The following ERBIN variants were observed in gnomAD, a reference collection of about 807,000 sequenced individuals.
The protein encoded by ERBIN is densin-180-like protein.
Under a neutral mutation model 158.4 loss-of-function variants are expected in ERBIN, and 60 were observed. That is an observed-to-expected ratio of 0.38 (90% CI 0.31 to 0.47). The LOEUF is 0.47. Ranked by LOEUF, ERBIN falls within the 20% of genes least tolerant of loss-of-function variation. The pLI, the probability that ERBIN is intolerant of heterozygous loss-of-function variation, is 0.99. For missense variants in ERBIN, 1,610 were observed against 1,648.0 expected (o/e 0.98, Z 0.40); for synonymous variants, 594 against 557.2 (o/e 1.07, Z -0.93).
intron 7 of ERBIN, among the ~76,000 whole-genome samples, chr5:66,018,546 TTATATATTATATAA>T (rs1232485625): frequency 1.2e-4 from 1 of 8,570 alleles, no homozygotes; most frequent in African/African-American, 1.9e-4. Flanking sequence ...ATAATATATA[TTATATATTATATAA>T]TATATATTAT....
intron 1 of ERBIN, among the ~76,000 whole-genome samples, chr5:65,967,743 A>G (rs1748822266): frequency 6.6e-6 from 1 of 152,268 alleles, no homozygotes; most frequent in Non-Finnish European, 1.5e-5. Flanking sequence ...ATTGTGAAAT[A>G]AACCATCTGA....
chr5:66,016,797 T>G (rs1387944948), intron 7 of ERBIN, among the ~76,000 whole-genome samples: 4 of 152,114 alleles, frequency 2.6e-5, no homozygotes, highest in Non-Finnish European at 5.9e-5. Flanking sequence ...GTATTTTTAG[T>G]AGAGACGGGG....
chr5:65,985,345 T>C (rs1354992173), intron 1 of ERBIN, among the ~76,000 whole-genome samples: 1 of 152,234 alleles, frequency 6.6e-6, no homozygotes, highest in African/African-American at 2.4e-5. Flanking sequence ...CTACTTCAGC[T>C]TCCCAAAGTG....
intron 1 of ERBIN, among the ~76,000 whole-genome samples, chr5:65,939,721 A>AT (rs1561268689): frequency 6.6e-6 from 1 of 152,040 alleles, no homozygotes; most frequent in Non-Finnish European, 1.5e-5. Flanking sequence ...TGGTTTTCCT[A>AT]TTTTTTTGGT....
intron 1 of ERBIN, among the ~76,000 whole-genome samples, chr5:65,951,420 A>G (rs1746492172): frequency 6.6e-6 from 1 of 152,214 alleles, no homozygotes; most frequent in Non-Finnish European, 1.5e-5. Flanking sequence ...ATTAAGATAA[A>G]GAATTTAAGC....
intron 20 of ERBIN, among the ~76,000 whole-genome samples, chr5:66,051,957 C>T: frequency 6.6e-6 from 1 of 150,480 alleles, no homozygotes; most frequent in East Asian, 1.9e-4. Flanking sequence ...GTAATCCGAG[C>T]ACTTTGGGAG....
intron 1 of ERBIN, among the ~76,000 whole-genome samples, chr5:65,963,583 A>G (rs537594481): frequency 1.3e-5 from 2 of 152,188 alleles, no homozygotes; most frequent in African/African-American, 4.8e-5. Flanking sequence ...GGGCAACAAG[A>G]GCGAAACTCC....
At position 66,053,971 on chromosome 5, in the gene ERBIN, G is replaced by A. The variant is rs1240720906; in HGVS notation, c.2653G>A (p.Asp885Asn). 6.2e-7 allele frequency: 1 copy of A among 1,614,106 alleles called. No individual in the cohort carries two copies. Among genetic ancestry groups the A allele is most frequent in the East Asian group, 2.2e-5 (1 of 44,868 alleles). ...NMEIGGLKIY[D>N]ILSDNGPQQP... The stretch of plus-strand genomic sequence containing the variant: ...GGAGATTGGAGGGCTAAAAATCTAT[G>A]ATATTCTTAGTGATAATGGACCTCA... Residue 885 changes from aspartate to asparagine, a missense_variant, in exon 21 of 26, where the codon GAT becomes AAT. Transcript: ENST00000284037.
rs566049264 is a variant in ERBIN at position 65,949,378 on chromosome 5, G to T, written c.-58+22572G>T. Among the ~76,000 whole-genome samples, 215 of 152,222 alleles carry T rather than the reference G, an allele frequency of 1.4e-3. 1 individual carries two copies. Among genetic ancestry groups the T allele is most frequent in the African/African-American group, 5.0e-3 (209 of 41,530 alleles). On this transcript the variant is annotated intron_variant, in intron 1 of 25. Transcript: ENST00000284037. ...AGTCCCAGGAAATATTTAATTTCGG[G>T]CAGGGTAGTGTCTCACTTTGTTTGA...
chr5:66,055,176 A>G, intron 21 of ERBIN: 4 of 1,096,150 alleles, frequency 3.6e-6, no homozygotes, highest in Non-Finnish European at 4.7e-6. Context: ...ACAAAAATGT[A>G]TTAATTTTAT....
chr5:66,039,903 A>G (rs896381003), intron 15 of ERBIN, among the ~76,000 whole-genome samples: 1 of 151,900 alleles, frequency 6.6e-6, no homozygotes, highest in Non-Finnish European at 1.5e-5. Flanking sequence ...TGCTACATCT[A>G]AATACAAGTC....
intron 21 of ERBIN, among the ~76,000 whole-genome samples, chr5:66,062,807 C>G (rs1314092252): frequency 2.6e-5 from 4 of 152,174 alleles, no homozygotes; most frequent in Non-Finnish European, 5.9e-5. Flanking sequence ...GAGGTCCACT[C>G]CAGACCCTGT....
intron 21 of ERBIN, among the ~76,000 whole-genome samples, chr5:66,065,590 CCTGTGTGTGTGTGTGTGTGTGTG>C (rs1248751716): frequency 4.9e-4 from 54 of 109,484 alleles, no homozygotes; most frequent in African/African-American, 1.6e-3. Flanking sequence ...TTAATTTTGA[CCTGTGTGTGTGTGTGTGTGTGTG>C]TGTGTGTGTG....
intron 1 of ERBIN, among the ~76,000 whole-genome samples, chr5:65,933,903 A>G (rs1448428977): frequency 1.3e-5 from 2 of 151,982 alleles, no homozygotes; most frequent in Non-Finnish European, 2.9e-5. Flanking sequence ...TCATCCCTAA[A>G]TATATATTTT....
intron 4 of ERBIN, among the ~76,000 whole-genome samples, chr5:66,008,070 A>G (rs910589049): frequency 2.0e-5 from 3 of 152,242 alleles, no homozygotes; most frequent in African/African-American, 7.2e-5. Context: ...CATTTGTGGA[A>G]TACTTTTTAT....
At chr5:65,972,052 T>C (rs979719649) in intron 1 of ERBIN, among the ~76,000 whole-genome samples, 3 of 152,114 alleles carry the variant, frequency 2.0e-5, no homozygotes, top group Middle Eastern at 3.2e-3. Flanking sequence ...TTTATGGATT[T>C]GTGGTAACCT....
chr5:65,957,605 T>C (rs1441237460), intron 1 of ERBIN, among the ~76,000 whole-genome samples: 5 of 152,344 alleles, frequency 3.3e-5, no homozygotes, highest in South Asian at 2.1e-4. Context: ...GAGTCTCCCA[T>C]GTCTACTTCT....
intron 21 of ERBIN, among the ~76,000 whole-genome samples, chr5:66,065,882 A>C (rs909621668): frequency 2.6e-5 from 4 of 152,106 alleles, no homozygotes; most frequent in African/African-American, 9.7e-5. Flanking sequence ...TAGGTTATAT[A>C]ATGTTAGATG....
At position 66,024,360 on chromosome 5, in the gene ERBIN, GA is replaced by G; in HGVS notation, c.730del (p.Met244TrpfsTer32). The G allele has an allele frequency of 6.3e-7, 1 of 1,593,246 alleles. No individual in the cohort carries two copies. The highest frequency in any genetic ancestry group is 8.6e-7 in the Non-Finnish European group (1 of 1,166,136). ...TTTGGATGTTTCTAAAAATAATATT[GA>G]AATGGTTGAAGAAGGAATTTCAACA... ...TYLDVSKNNI[E>X]MVEEGISTCE... On this transcript the variant is annotated frameshift_variant, in exon 10 of 26. Coordinates refer to ENST00000284037, the MANE Select transcript of ERBIN (RefSeq NM_001253697.2). LOFTEE classifies it high-confidence loss of function.
Sources: gnomAD v4.1 joint callset for allele counts (sites outside exome capture counted in the v4.1 genomes callset) on GRCh38, gnomAD v4.1.1 for gene constraint, MANE v1.5 for transcripts, NCBI Gene and HGNC (gene_info 2026-07-23, HGNC 2026-07-21) for gene names.